ACTR8: variants seen among roughly 807,000 people sequenced by gnomAD.
The protein encoded by ACTR8 is actin-related protein 8.
In ACTR8, 70 loss-of-function variants were observed where a neutral mutation model predicts 84.3. The observed-to-expected ratio is 0.83, with a 90% confidence interval of 0.68 to 1.01. ACTR8 has a LOEUF of 1.01. Ranked by LOEUF, ACTR8 falls within the 50% of genes least tolerant of loss-of-function variation. ACTR8 has a pLI of 0.00. For missense variants in ACTR8, 672 were observed against 775.4 expected, an observed-to-expected ratio of 0.87 and a Z score of 1.58; for synonymous variants, 268 against 275.2, an observed-to-expected ratio of 0.97 and a Z score of 0.26.
In ACTR8 at chr3:53,882,138, G is replaced by T; in HGVS notation, c.-37C>A. On this transcript the variant is annotated 5_prime_UTR_variant, in exon 1 of 13. Transcript: ENST00000335754. ...ACACCCACCAACCTCTCGCCTCAGC[G>T]CTGCAGCCACGACTGCCGGGATGGA... 6.5e-7 allele frequency: 1 copy of T among 1,548,096 alleles called. No individual in the cohort carries two copies. Among genetic ancestry groups the T allele is most frequent in the Middle Eastern group, 1.7e-4 (1 of 5,978 alleles).
At chr3:53,860,938 A>G in the ACTR8 span, 1 of 152,226 alleles carries the variant, frequency 6.6e-6, no homozygotes, top group African/African-American at 2.4e-5. Context: ...TTCACAGTTG[A>G]GAGAAACGTG....
rs748105204 is a variant in ACTR8 at position 53,877,289 on chromosome 3, A to T, written c.609T>A (p.Ala203=). Residue 203 remains alanine (A), a synonymous_variant, in exon 5 of 13, where the codon GCT becomes GCA. Coordinates refer to ENST00000335754, the MANE Select transcript of ACTR8 (RefSeq NM_022899.5). ...IHPGPGGSLT[A]VLADIEVIWS... ...ATATTACTTCAATATCTGCCAGAAC[A>T]GCTGTAAGAGAGCCCCCAGGGCCTG... 19 of 1,613,984 alleles carry T rather than the reference A, an allele frequency of 1.2e-5. No homozygotes were observed. The highest frequency in any genetic ancestry group is 1.5e-5 in the Non-Finnish European group (18 of 1,179,978).
chr3:53,872,359 T>C (rs1204666122), intron 10 of ACTR8, 25 bp downstream of exon 10: 1 of 1,539,452 alleles, frequency 6.5e-7, no homozygotes, highest in Non-Finnish European at 8.7e-7. Context: ...AAACTCTCTC[T>C]TCTCCTACCA....
At chr3:53,872,777 A>T (rs1481229684) in intron 9 of ACTR8, among the ~76,000 whole-genome samples, 3 of 152,178 alleles carry the variant, frequency 2.0e-5, no homozygotes, top group Non-Finnish European at 4.4e-5. Context: ...GTACCTCAAA[A>T]TCTACTTCAT....
chr3:53,864,799 G>A (rs757537807), downstream of ACTR8: 2 of 1,613,934 alleles, frequency 1.2e-6, no homozygotes, highest in South Asian at 2.2e-5. Context: ...CCCCATTAAG[G>A]TTCTTGTGGT....
Position 53,870,779 on chromosome 3 carries a change from C to G in ACTR8, c.1567+453G>C, listed in dbSNP as rs9859937. Reference sequence around the variant, plus strand: ...TCTTCACAGGCTTCTTCCTCTACCCCATCTGTGACTGCTAACTGACCCCTT... The same window carrying G: ...TCTTCACAGGCTTCTTCCTCTACCCGATCTGTGACTGCTAACTGACCCCTT... On this transcript the variant is annotated intron_variant, in intron 11 of 12. Transcript: ENST00000335754. This position sits in a 1 kb window ranked among gnomAD's most constrained non-coding sequence, Gnocchi z 4.1. Among the ~76,000 whole-genome samples, 396 of 152,314 alleles carry G rather than the reference C, an allele frequency of 2.6e-3. 2 individuals are homozygous for G. The highest frequency in any genetic ancestry group is 8.9e-3 in the African/African-American group (368 of 41,580).
chr3:53,865,627 T>C (rs1029370244), downstream of ACTR8: 1 of 257,348 alleles, frequency 3.9e-6, no homozygotes, highest in Non-Finnish European at 7.4e-6. Flanking sequence ...TGCATTGCAG[T>C]GTACCCAGAA....
intron 5 of ACTR8, 76 bp downstream of exon 5, chr3:53,877,138 A>G: frequency 2.8e-6 from 4 of 1,423,850 alleles, no homozygotes; most frequent in Non-Finnish European, 3.8e-6. Flanking sequence ...ACTATATTAC[A>G]AACAACTCGG....
downstream of ACTR8, among the ~76,000 whole-genome samples, chr3:53,864,248 G>C (rs1175100029): frequency 3.3e-5 from 5 of 152,206 alleles, no homozygotes; most frequent in African/African-American, 9.6e-5. Context: ...AAAAAGTTAA[G>C]GTTTAAGGCA....
In ACTR8 at chr3:53,879,237, T is replaced by G. The variant is rs193138488; in HGVS notation, c.294+702A>C. 7.9e-5 allele frequency among the ~76,000 whole-genome samples: 12 copies of G among 152,336 alleles called. No individual in the cohort carries two copies. In the East Asian group the frequency reaches 2.3e-3, roughly 29 times the overall value. On this transcript the variant is annotated intron_variant, in intron 2 of 12. Transcript: ENST00000335754. ...ATAAATAATGAAGTGCGGACTCTTA[T>G]ATCAGCAAGTTATATTTAAACTTAC...
At chr3:53,858,993 C>G in the ACTR8 span, 2 of 513,832 alleles carry the variant, frequency 3.9e-6, no homozygotes, top group African/African-American at 3.8e-5. Flanking sequence ...AACCTAGAAT[C>G]TGAGTAAGAA....
chr3:53,881,722 A>C, intron 1 of ACTR8: 1 of 587,644 alleles, frequency 1.7e-6, no homozygotes. Context: ...GAGCGCACAC[A>C]ACCAGACGGT....
chr3:53,875,398 T>G (rs1289476998), intron 7 of ACTR8, among the ~76,000 whole-genome samples: 1 of 152,208 alleles, frequency 6.6e-6, no homozygotes, highest in African/African-American at 2.4e-5. Flanking sequence ...CTGCATTACC[T>G]GAGTGTGCTT....
the ACTR8 span, chr3:53,861,065 G>T: frequency 6.6e-6 from 1 of 152,188 alleles, no homozygotes; most frequent in Non-Finnish European, 1.5e-5. Context: ...CTCAAGGGTT[G>T]CAAGTATCGA....
chr3:53,870,215 C>A lies in ACTR8; in HGVS notation c.1568-70G>T, dbSNP rs1699862560. On this transcript the variant is annotated intron_variant, in intron 11 of 12. Transcript: ENST00000335754. This position sits in a 1 kb window ranked among gnomAD's most constrained non-coding sequence, Gnocchi z 4.1. Reference sequence around the variant, plus strand: ...ATAATTCTAGGCCAAGCCACCAACACCTCTTGCTTGAGCAAGTGCAATAGC... The same window carrying A: ...ATAATTCTAGGCCAAGCCACCAACAACTCTTGCTTGAGCAAGTGCAATAGC... 2 of 1,558,538 alleles carry A rather than the reference C, an allele frequency of 1.3e-6. No homozygotes were observed. The highest frequency in any genetic ancestry group is 1.7e-4 in the Middle Eastern group (1 of 5,858).
intron 6 of ACTR8, 61 bp from the exon 7 acceptor site, chr3:53,876,141 A>C: frequency 6.3e-7 from 1 of 1,590,122 alleles, no homozygotes; most frequent in Non-Finnish European, 8.6e-7. Context: ...AGATCCCAAA[A>C]CAGATAATCA....
At chr3:53,860,135 A>C in the ACTR8 span, 1 of 1,613,102 alleles carries the variant, frequency 6.2e-7, no homozygotes, top group Non-Finnish European at 8.5e-7. Flanking sequence ...TCCAGACAAA[A>C]GCAAGCCGGG....
downstream of ACTR8, among the ~76,000 whole-genome samples, chr3:53,862,216 G>T (rs1264190232): frequency 2.0e-5 from 3 of 152,264 alleles, no homozygotes; most frequent in Admixed American, 1.3e-4. Flanking sequence ...AAAGTCCTCA[G>T]AGTGGTCTCC....
rs138305828 is a variant in ACTR8 at position 53,882,051 on chromosome 3, G to A, written c.51C>T (p.Gly17=). 12,089 of 1,551,644 alleles carry A rather than the reference G, an allele frequency of 7.8e-3. 45 individuals carry two copies. The highest frequency in any genetic ancestry group is 9.1e-3 in the Non-Finnish European group (10,417 of 1,146,866). The stretch of plus-strand genomic sequence containing the variant: ...CGCCGCGCTGCTCCTTCTCCTTCTC[G>A]CCGCCCTTCTCCTTTCCGTTCTCCG... ...GDTENGKEKG[G]EKEKEQRGVK... Residue 17 remains glycine (G), a synonymous_variant, in exon 1 of 13, where the codon GGC becomes GGT. Coordinates refer to ENST00000335754, the MANE Select transcript of ACTR8 (RefSeq NM_022899.5).
Sources: gnomAD v4.1 joint callset for allele counts (sites outside exome capture counted in the v4.1 genomes callset) on GRCh38, gnomAD v4.1.1 for gene constraint, Gnocchi (gnomAD v3.1) non-coding constraint, MANE v1.5 for transcripts, NCBI Gene and HGNC (gene_info 2026-07-23, HGNC 2026-07-21) for gene names.